The following AGMO variants were observed in gnomAD, a reference collection of about 807,000 sequenced individuals.
AGMO encodes glyceryl-ether monooxygenase.
A neutral mutation model predicts 60.2 loss-of-function variants in AGMO; 75 were observed. The observed-to-expected ratio is 1.25, with a 90% confidence interval of 1.03 to 1.51. The LOEUF (loss-of-function observed/expected upper bound fraction) is 1.51. Among genes scored for constraint, AGMO ranks in the 40% most tolerant of loss-of-function variants. AGMO has a pLI of 0.00. For synonymous variants in AGMO, 261 were observed against 177.1 expected (o/e 1.47, Z -3.76); for missense variants, 763 against 525.5 (o/e 1.45, Z -4.42).
intron 12 of AGMO, among the ~76,000 whole-genome samples, chr7:15,344,045 T>C (rs894806050): frequency 6.6e-6 from 1 of 152,188 alleles, no homozygotes; most frequent in Admixed American, 6.5e-5. Context: ...TAGACACTTG[T>C]CAGACATGGG....
intron 12 of AGMO, among the ~76,000 whole-genome samples, chr7:15,211,247 G>A (rs976303824): frequency 6.6e-6 from 1 of 151,900 alleles, no homozygotes; most frequent in Non-Finnish European, 1.5e-5. Flanking sequence ...AGTATTATAA[G>A]AATATAAGAG....
chr7:15,198,235 G>C (rs868082451), downstream of AGMO, among the ~76,000 whole-genome samples: 374 of 114,198 alleles, frequency 3.3e-3, 4 homozygotes, highest in African/African-American at 0.015. Flanking sequence ...GAGAGAGAGA[G>C]AGAGAGAGAG....
chr7:15,507,482 G>A (rs1006382459), intron 3 of AGMO, among the ~76,000 whole-genome samples: 3 of 152,056 alleles, frequency 2.0e-5, no homozygotes, highest in African/African-American at 7.2e-5. Context: ...CACAGGGAAG[G>A]ATCAACAAAA....
At position 15,366,140 on chromosome 7, in the gene AGMO, C is replaced by T. The variant is rs2128561658; in HGVS notation, c.1157G>A (p.Arg386Lys). 1 of 1,602,938 alleles carries T rather than the reference C, an allele frequency of 6.2e-7. No homozygotes were observed. Among genetic ancestry groups the T allele is most frequent in the Middle Eastern group, 1.7e-4 (1 of 6,048 alleles). The stretch of plus-strand genomic sequence containing the variant: ...ACAATGCAAGAATTTCACTTCTTGC[C>T]TTTGATCCAGAAGAAATCCAATGGA... ...LTSIGFLLDQRPKAAIMETLR... is the reference protein window; with the variant it reads ...LTSIGFLLDQKPKAAIMETLR... The change falls in exon 11 of 13, where the codon AGA becomes AAA. Residue 386 changes from arginine (R) to lysine (K), a missense_variant and splice_region_variant. Physicochemically the swap from Arg to Lys is conservative, Grantham distance 26. Transcript: ENST00000342526.
At chr7:15,438,388 A>G (rs565888552) in intron 3 of AGMO, among the ~76,000 whole-genome samples, 1 of 152,318 alleles carries the variant, frequency 6.6e-6, no homozygotes, top group East Asian at 1.9e-4. Flanking sequence ...GTAGATATTT[A>G]TATAGTTTCC....
intron 3 of AGMO, among the ~76,000 whole-genome samples, chr7:15,447,347 C>T (rs1781726811): frequency 6.6e-6 from 1 of 152,102 alleles, no homozygotes; most frequent in Non-Finnish European, 1.5e-5. Flanking sequence ...AGCTATACCT[C>T]CACCCCTATG....
chr7:15,406,924 C>CACAT, intron 5 of AGMO, among the ~76,000 whole-genome samples: 1 of 131,682 alleles, frequency 7.6e-6, no homozygotes, highest in South Asian at 2.4e-4. Flanking sequence ...GTTTGGAATA[C>CACAT]ACACGCGCAC....
At chr7:15,154,755 T>A in the AGMO span, among the ~76,000 whole-genome samples, 2 of 152,190 alleles carry the variant, frequency 1.3e-5, no homozygotes, top group African/African-American at 4.8e-5. Context: ...GTTTGTATGT[T>A]TAGCAATTCC....
intron 3 of AGMO, among the ~76,000 whole-genome samples, chr7:15,451,517 G>A (rs541579557): frequency 6.6e-6 from 1 of 152,172 alleles, no homozygotes; most frequent in East Asian, 1.9e-4. Flanking sequence ...CTAGGTGGGG[G>A]CTTGCTCACT....
At chr7:15,351,227 T>C (rs1554421568) in intron 12 of AGMO, among the ~76,000 whole-genome samples, 1 of 152,106 alleles carries the variant, frequency 6.6e-6, no homozygotes, top group Non-Finnish European at 1.5e-5. Context: ...AATGCAAATT[T>C]AAACTTATCT....
chr7:15,202,173 C>G (rs1781307893), intron 12 of AGMO, among the ~76,000 whole-genome samples: 1 of 151,950 alleles, frequency 6.6e-6, no homozygotes, highest in Non-Finnish European at 1.5e-5. Context: ...CTATATTTTT[C>G]ATGTATGTGT....
intron 12 of AGMO, among the ~76,000 whole-genome samples, chr7:15,274,329 G>A (rs561509159): frequency 6.6e-6 from 1 of 152,196 alleles, no homozygotes; most frequent in Non-Finnish European, 1.5e-5. Context: ...TAGCATGAAG[G>A]GCTGTTGAAT....
chr7:15,149,720 G>C, the AGMO span, among the ~76,000 whole-genome samples: 4 of 152,086 alleles, frequency 2.6e-5, no homozygotes, highest in Admixed American at 1.3e-4. Context: ...TTACAGCCTT[G>C]TAGTATAGTT....
chr7:15,150,372 G>A, the AGMO span, among the ~76,000 whole-genome samples: 2 of 152,000 alleles, frequency 1.3e-5, no homozygotes, highest in African/African-American at 4.8e-5. Flanking sequence ...GCACATTCTT[G>A]TCTTATTCCT....
At chr7:15,183,919 A>G in the AGMO span, among the ~76,000 whole-genome samples, 3 of 152,174 alleles carry the variant, frequency 2.0e-5, no homozygotes, top group African/African-American at 7.2e-5. Context: ...AAATTTGATA[A>G]TTGTCCCTTC....
chr7:15,447,613 C>A (rs577780119), intron 3 of AGMO, among the ~76,000 whole-genome samples: 4 of 152,058 alleles, frequency 2.6e-5, no homozygotes, highest in Non-Finnish European at 4.4e-5. Context: ...TGCAGTGGCA[C>A]GATCTTGGCT....
intron 4 of AGMO, among the ~76,000 whole-genome samples, chr7:15,419,159 G>A (rs190794896): frequency 1.3e-5 from 2 of 151,886 alleles, no homozygotes; most frequent in African/African-American, 2.4e-5. Flanking sequence ...ATGATTGATT[G>A]ATGACATCAT....
intron 6 of AGMO, among the ~76,000 whole-genome samples, chr7:15,392,320 A>ACC (rs199540801): frequency 0.36 from 54,551 of 151,300 alleles, 10,331 homozygotes; most frequent in African/African-American, 0.48. Flanking sequence ...GTGATCCGCG[A>ACC]TCCGCCTCCC....
At chr7:15,163,563 G>A in the AGMO span, among the ~76,000 whole-genome samples, 48 of 152,074 alleles carry the variant, frequency 3.2e-4, no homozygotes, top group African/African-American at 7.9e-4. Flanking sequence ...CTTTTTCTGC[G>A]TTTATTGAAA....
Sources: allele counts gnomAD v4.1 joint callset (sites outside exome capture counted in the v4.1 genomes callset), GRCh38; gene constraint gnomAD v4.1.1; transcripts MANE v1.5; gene names NCBI Gene and HGNC (gene_info 2026-07-23, HGNC 2026-07-21).